The following RNF175 variants were observed in gnomAD, a reference collection of about 807,000 sequenced individuals.
The protein encoded by RNF175 is ring finger protein 175.
RNF175 carries 38 observed loss-of-function variants against 50.0 expected under a neutral mutation model. The observed-to-expected ratio is 0.76, with a 90% CI of 0.59 to 1.00. The LOEUF (loss-of-function observed/expected upper bound fraction) is 1.00, where lower values mean the gene tolerates loss of function less well. Among genes scored for constraint, RNF175 ranks in the 50% least tolerant of loss-of-function variants. The pLI, the probability that RNF175 is intolerant of heterozygous loss-of-function variation, is 0.00. For synonymous variants in RNF175, 155 were observed against 146.1 expected (o/e 1.06, Z -0.44); for missense variants, 388 against 409.6 (o/e 0.95, Z 0.46).
chr4:153,740,777 A>T (rs551962105), intron 3 of RNF175, among the ~76,000 whole-genome samples: 1 of 152,244 alleles, frequency 6.6e-6, no homozygotes, highest in Admixed American at 6.5e-5. Flanking sequence ...TCCTTCTAGC[A>T]TGACTTGTAA....
chr4:153,750,858 GAT>G (rs940572517), intron 2 of RNF175, among the ~76,000 whole-genome samples: 49 of 152,232 alleles, frequency 3.2e-4, no homozygotes, highest in African/African-American at 1.1e-3. Flanking sequence ...GATTTGCATA[GAT>G]ATAAAATAAA....
intron 3 of RNF175, among the ~76,000 whole-genome samples, chr4:153,747,500 C>T (rs560132139): frequency 1.3e-5 from 2 of 152,258 alleles, no homozygotes; most frequent in South Asian, 4.1e-4. Context: ...TGAGGATGGC[C>T]GTTACTCCAG....
Position 153,759,925 on chromosome 4 carries a change from C to T in RNF175, c.-63G>A. 2 of 1,023,592 alleles carry T rather than the reference C, an allele frequency of 2.0e-6. No individual in the cohort carries two copies. Among genetic ancestry groups the T allele is most frequent in the Non-Finnish European group, 2.6e-6 (2 of 779,638 alleles). 63.4% of individuals were successfully genotyped at this position (1,023,592 alleles called of 1,614,324 possible). A position where few individuals can be genotyped will look rare whatever the true frequency, so the allele number is the denominator to read the frequency against. On this transcript the variant is annotated 5_prime_UTR_variant, in exon 1 of 9. Coordinates refer to ENST00000347063, the MANE Select transcript of RNF175 (RefSeq NM_173662.4). The stretch of plus-strand genomic sequence containing the variant: ...GCCGGGGAGGGTCCCGCAGAGTCCG[C>T]AGAAGGAGGCGCCGCGGGGCCTCGG...
intron 6 of RNF175, among the ~76,000 whole-genome samples, chr4:153,717,641 T>C (rs1488505043): frequency 6.6e-6 from 1 of 152,226 alleles, no homozygotes; most frequent in African/African-American, 2.4e-5. Context: ...TGTATGGTGG[T>C]ATCAAAATTG....
At chr4:153,713,808 C>A (rs899783459) in intron 7 of RNF175, 3 of 152,158 alleles carry the variant, frequency 2.0e-5, no homozygotes, top group Non-Finnish European at 4.4e-5. Context: ...ACTCAAACAG[C>A]CTTTCATTCA....
intron 4 of RNF175, 90 bp downstream of exon 4, chr4:153,728,117 A>G (rs1738814228): frequency 1.1e-6 from 1 of 926,174 alleles, no homozygotes; most frequent in Non-Finnish European, 1.5e-6. Flanking sequence ...TAACCCCCCC[A>G]CTCCCCAACC....
At chr4:153,716,205 G>A (rs1737919004) in intron 6 of RNF175, among the ~76,000 whole-genome samples, 2 of 152,104 alleles carry the variant, frequency 1.3e-5, no homozygotes, top group African/African-American at 4.8e-5. Flanking sequence ...GGGACCCAAA[G>A]CACATTGCCA....
rs939846129 is a variant in RNF175, at chr4:153,744,064, G to T, written c.246+4581C>A. ...CAGTGACACACACCCTCCAAGACCT[G>T]ACACAAGAGCAGCTGCTTCAAATAT... is the stretch of plus-strand genomic sequence containing the variant. On this transcript the variant is annotated intron_variant, in intron 3 of 8. Coordinates refer to ENST00000347063, the MANE Select transcript of RNF175 (RefSeq NM_173662.4). Among the ~76,000 whole-genome samples, 6 of 152,270 alleles carry T rather than the reference G, an allele frequency of 3.9e-5. No individual in the cohort carries two copies. The East Asian group carries it at 7.7e-4, about 20-fold the overall frequency.
chr4:153,759,766 G>T, intron 1 of RNF175, 31 bp downstream of exon 1: 3 of 1,423,268 alleles, frequency 2.1e-6, no homozygotes, highest in Non-Finnish European at 2.8e-6. Flanking sequence ...CCGGCCTGGC[G>T]TCCCCCACGC....
In RNF175 at chr4:153,746,690, G is replaced by A. The variant is rs189191118; in HGVS notation, c.246+1955C>T. On this transcript the variant is annotated intron_variant, in intron 3 of 8. Coordinates refer to ENST00000347063, the MANE Select transcript of RNF175 (RefSeq NM_173662.4). ...TGGGACTTGGGGGCATCCCCACCCC[G>A]AAGGGCTCCCCTAGGCCTAGTGAGG... 3.8e-4 allele frequency among the ~76,000 whole-genome samples: 58 copies of A among 152,324 alleles called. 1 individual carries two copies. The highest frequency in any genetic ancestry group is 6.8e-3 in the Middle Eastern group (2 of 294).
chr4:153,718,228 T>TTTTTTTTTTA (rs1191865639), intron 6 of RNF175, among the ~76,000 whole-genome samples: 1 of 67,666 alleles, frequency 1.5e-5, no homozygotes, highest in Non-Finnish European at 2.7e-5. Flanking sequence ...GTTTGTTTGT[T>TTTTTTTTTTA]TGTTTGTTTG....
intron 2 of RNF175, 96 bp downstream of exon 2, chr4:153,751,342 T>A: frequency 1.1e-6 from 1 of 922,078 alleles, no homozygotes. Context: ...CCTGGAAAAT[T>A]TACAAATAAA....
intron 1 of RNF175, among the ~76,000 whole-genome samples, chr4:153,757,225 C>T (rs1179039557): frequency 6.6e-6 from 1 of 152,218 alleles, no homozygotes; most frequent in African/African-American, 2.4e-5. Flanking sequence ...TGACCTTGAA[C>T]ATTGTTACCA....
intron 3 of RNF175, among the ~76,000 whole-genome samples, chr4:153,743,426 A>G (rs1739789942): frequency 6.6e-6 from 1 of 152,180 alleles, no homozygotes; most frequent in Admixed American, 6.5e-5. Context: ...GGCAATACCA[A>G]TAATTAGATG....
intron 3 of RNF175, among the ~76,000 whole-genome samples, chr4:153,737,379 AG>A (rs1205769317): frequency 6.6e-6 from 1 of 151,800 alleles, no homozygotes; most frequent in Admixed American, 6.6e-5. Flanking sequence ...TTCCTTTTCT[AG>A]TTTCCTCAGG....
chr4:153,734,547 G>C (rs1266789504), intron 3 of RNF175, among the ~76,000 whole-genome samples: 3 of 150,790 alleles, frequency 2.0e-5, no homozygotes, highest in Non-Finnish European at 4.4e-5. Context: ...CAGATCTTTT[G>C]CCATTTTTAA....
rs189974024 is a variant in RNF175, at chr4:153,717,903, G to T, written c.631-2241C>A. ...TTTTTAAAATTTGCATAAATTTAAG[G>T]TTCACACTTTCTATGGATTTTGAGA... On this transcript the variant is annotated intron_variant, in intron 6 of 8. Coordinates refer to ENST00000347063, the MANE Select transcript of RNF175 (RefSeq NM_173662.4). Among the ~76,000 whole-genome samples the T allele has an allele frequency of 2.0e-3, 303 of 152,122 alleles. 1 individual carries two copies. The highest frequency in any genetic ancestry group is 6.1e-3 in the African/African-American group (253 of 41,504).
At position 153,735,666 on chromosome 4, in the gene RNF175, A is replaced by G. The variant is rs1055053291; in HGVS notation, c.247-7305T>C. On this transcript the variant is annotated intron_variant, in intron 3 of 8. Coordinates refer to ENST00000347063, the MANE Select transcript of RNF175 (RefSeq NM_173662.4). ...TGAATCTTCCAATCTATGAATATGG[A>G]ATAATCTTTCCATTAATTTATATCT... Among the ~76,000 whole-genome samples the G allele has an allele frequency of 4.6e-5, 7 of 152,182 alleles. No homozygotes were observed. The East Asian group carries it at 9.6e-4, about 21-fold the overall frequency.
chr4:153,753,822 G>A (rs1411028089), intron 1 of RNF175, among the ~76,000 whole-genome samples: 1 of 151,686 alleles, frequency 6.6e-6, no homozygotes, highest in African/African-American at 2.4e-5. Context: ...ACCTCTCAAA[G>A]TGCTGGGATT....
Sources: gnomAD v4.1 joint callset for allele counts (sites outside exome capture counted in the v4.1 genomes callset) on GRCh38, gnomAD v4.1.1 for gene constraint, MANE v1.5 for transcripts, NCBI Gene and HGNC (gene_info 2026-07-23, HGNC 2026-07-21) for gene names.